FFAR4: variants seen among roughly 807,000 people sequenced by gnomAD.
The protein encoded by FFAR4 is G-protein coupled receptor 120.
In FFAR4, 19 loss-of-function variants were observed where a neutral mutation model predicts 27.0. That is an observed-to-expected ratio of 0.70 (90% CI 0.49 to 1.03). FFAR4 has a LOEUF of 1.03. Among genes scored for constraint, FFAR4 ranks in the 50% least tolerant of loss-of-function variants. FFAR4 has a pLI of 0.00. For missense variants in FFAR4, 476 were observed against 479.0 expected (o/e 0.99, Z 0.06); for synonymous variants, 254 against 215.6 (o/e 1.18, Z -1.56).
chr10:93,567,126 C>G lies in FFAR4; in HGVS notation c.406C>G (p.Arg136Gly). The change falls in exon 1 of 3, where the codon CGC (arginine) becomes GGC (glycine). Residue 136 changes from arginine to glycine, a missense_variant. By Grantham distance (125) the Arg-to-Gly change is moderately radical. Coordinates refer to ENST00000371481, the MANE Select transcript of FFAR4 (RefSeq NM_001195755.2). Reference protein sequence around the residue: ...ILTLAAVSLERMVCIVHLQRG... With the variant: ...ILTLAAVSLEGMVCIVHLQRG... ...CACGCTGGCCGCGGTCAGCCTGGAG[C>G]GCATGGTGTGCATCGTGCACCTGCA... 2 of 1,608,236 alleles carry G rather than the reference C, an allele frequency of 1.2e-6. No individual in the cohort carries two copies. Among genetic ancestry groups the G allele is most frequent in the African/African-American group, 1.3e-5 (1 of 74,982 alleles).
intron 1 of FFAR4, 75 bp from the exon 2 acceptor site, chr10:93,576,016 A>C (rs1033616705): frequency 1.7e-5 from 25 of 1,474,452 alleles, no homozygotes; most frequent in Non-Finnish European, 2.2e-5. Context: ...GTGTCAGGAA[A>C]CCCTCAATAA....
At chr10:93,585,133 G>A (rs969279295) in intron 2 of FFAR4, among the ~76,000 whole-genome samples, 1 of 152,174 alleles carries the variant, frequency 6.6e-6, no homozygotes, top group Non-Finnish European at 1.5e-5. Context: ...AGTCTTGGGG[G>A]ACACCTGTAG....
intron 2 of FFAR4, among the ~76,000 whole-genome samples, chr10:93,580,665 C>T (rs989089245): frequency 1.2e-4 from 18 of 152,226 alleles, no homozygotes; most frequent in African/African-American, 4.3e-4. Flanking sequence ...TGCACTGGTG[C>T]TCCAAGAAAT....
At position 93,587,672 on chromosome 10, in the gene FFAR4, A is replaced by G; in HGVS notation, c.*63A>G. ...TGTGGCATGCTTTTAAACAGAGTTC[A>G]TTTCCAGTACCCTCCATCAGTGCAC... On this transcript the variant is annotated 3_prime_UTR_variant, in exon 3 of 3. Coordinates refer to ENST00000371481, the MANE Select transcript of FFAR4 (RefSeq NM_001195755.2). 1.3e-6 allele frequency: 2 copies of G among 1,494,660 alleles called. No homozygotes were observed. Among genetic ancestry groups the G allele is most frequent in the South Asian group, 1.2e-5 (1 of 81,700 alleles). The allele number at this position is 1,494,660 out of a possible 1,614,324, so 92.6% of individuals were successfully genotyped here.
chr10:93,573,481 A>G (rs80092786), intron 1 of FFAR4, among the ~76,000 whole-genome samples: 3,707 of 152,320 alleles, frequency 0.024, 115 homozygotes, highest in African/African-American at 0.077. Context: ...AATACCTAGA[A>G]TCAAAACGAC....
chr10:93,567,163 G>A lies in FFAR4; in HGVS notation c.443G>A (p.Arg148Gln), dbSNP rs1357489204. The A allele has an allele frequency of 5.0e-6, 8 of 1,604,550 alleles. No homozygotes were observed. Among genetic ancestry groups the A allele is most frequent in the Non-Finnish European group, 6.8e-6 (8 of 1,178,576 alleles). ...VCIVHLQRGV[R>Q]GPGRRARAVL... ...ATCGTGCACCTGCAGCGCGGCGTGCGGGGTCCTGGGCGGCGGGCGCGGGCA... is the reference window on the plus strand; with the variant it reads ...ATCGTGCACCTGCAGCGCGGCGTGCAGGGTCCTGGGCGGCGGGCGCGGGCA... The change falls in exon 1 of 3, where the codon CGG (arginine) becomes CAG (glutamine). Residue 148 changes from arginine to glutamine, a missense_variant. Arg to Gln is a conservative substitution (Grantham distance 43, BLOSUM62 1). Coordinates refer to ENST00000371481, the MANE Select transcript of FFAR4 (RefSeq NM_001195755.2).
In FFAR4 at chr10:93,588,637, A is replaced by G. The variant is rs1253909415; in HGVS notation, c.*1028A>G. ...CCCTCTCTCAGGGAACTTACCTTCGAGTCAGGGGCAGAAAAACTAAATAAA... is the reference window on the plus strand; with the variant it reads ...CCCTCTCTCAGGGAACTTACCTTCGGGTCAGGGGCAGAAAAACTAAATAAA... On this transcript the variant is annotated 3_prime_UTR_variant, in exon 3 of 3. Coordinates refer to ENST00000371481, the MANE Select transcript of FFAR4 (RefSeq NM_001195755.2). 6.6e-6 allele frequency: 1 copy of G among 152,168 alleles called. No individual in the cohort carries two copies. Among genetic ancestry groups the G allele is most frequent in the African/African-American group, 2.4e-5 (1 of 41,422 alleles). 9.4% of individuals were successfully genotyped at this position (152,168 alleles called of 1,614,324 possible).
chr10:93,586,821 A>G (rs1215351243), intron 2 of FFAR4, among the ~76,000 whole-genome samples: 1 of 152,206 alleles, frequency 6.6e-6, no homozygotes, highest in African/African-American at 2.4e-5. Flanking sequence ...CAGGGTGGAA[A>G]TAGAGGGTAG....
At chr10:93,580,221 G>C (rs1407965284) in intron 2 of FFAR4, among the ~76,000 whole-genome samples, 1 of 152,126 alleles carries the variant, frequency 6.6e-6, no homozygotes. Context: ...TGTGAAGCTT[G>C]GTTTTACATA....
chr10:93,577,108 G>A (rs554640896), intron 2 of FFAR4, among the ~76,000 whole-genome samples: 20 of 152,314 alleles, frequency 1.3e-4, no homozygotes, highest in South Asian at 6.2e-4. Context: ...TAAAAAGGAC[G>A]AGTCAGCCTG....
At chr10:93,580,944 C>T (rs1472843777) in intron 2 of FFAR4, among the ~76,000 whole-genome samples, 3 of 152,236 alleles carry the variant, frequency 2.0e-5, no homozygotes, top group Non-Finnish European at 2.9e-5. Flanking sequence ...TAAGTGCCTT[C>T]GGATCAGGCT....
At position 93,572,826 on chromosome 10, in the gene FFAR4, T is replaced by A. The variant is rs12220261; in HGVS notation, c.568-3265T>A. ...GGCAAGTCTGGGGTTCAGGAAAGCA[T>A]GCAGCTGAAAAGAGTAGATTGGAGC... On this transcript the variant is annotated intron_variant, in intron 1 of 2. Coordinates refer to ENST00000371481, the MANE Select transcript of FFAR4 (RefSeq NM_001195755.2). Among the ~76,000 whole-genome samples, 5 of 152,302 alleles carry A rather than the reference T, an allele frequency of 3.3e-5. No homozygotes were observed. The East Asian group carries it at 9.7e-4, about 29-fold the overall frequency.
At position 93,587,260 on chromosome 10, in the gene FFAR4, C is replaced by T. The variant is rs2058233726; in HGVS notation, c.737C>T (p.Ala246Val). 6.2e-7 allele frequency: 1 copy of T among 1,614,068 alleles called. No homozygotes were observed. Among genetic ancestry groups the T allele is most frequent in the East Asian group, 2.2e-5 (1 of 44,864 alleles). The change falls in exon 3 of 3, where the codon GCC becomes GTC. Residue 246 changes from alanine (A) to valine (V), a missense_variant. Coordinates refer to ENST00000371481, the MANE Select transcript of FFAR4 (RefSeq NM_001195755.2). ...AGGAAGAGGCTCACGGTAAGCCTGGCCTACTCGGAGAGCCACCAGATCCGC... is the reference window on the plus strand; with the variant it reads ...AGGAAGAGGCTCACGGTAAGCCTGGTCTACTCGGAGAGCCACCAGATCCGC... Reference protein sequence around the residue: ...ASRKRLTVSLAYSESHQIRVS... With the variant: ...ASRKRLTVSLVYSESHQIRVS...
At chr10:93,571,350 AC>A (rs1439519862) in intron 1 of FFAR4, among the ~76,000 whole-genome samples, 18 of 152,046 alleles carry the variant, frequency 1.2e-4, no homozygotes, top group African/African-American at 4.3e-4. Context: ...ACGTAAATCC[AC>A]CTCCTTCTCT....
chr10:93,574,528 G>C (rs1269822236), intron 1 of FFAR4, among the ~76,000 whole-genome samples: 3 of 152,180 alleles, frequency 2.0e-5, no homozygotes, highest in Non-Finnish European at 4.4e-5. Flanking sequence ...AGTACAAAAG[G>C]AGGTGGTGCG....
At chr10:93,578,966 C>G (rs578104116) in intron 2 of FFAR4, among the ~76,000 whole-genome samples, 1 of 152,194 alleles carries the variant, frequency 6.6e-6, no homozygotes, top group South Asian at 2.1e-4. Context: ...CGCTTCTCAG[C>G]TGCCTGCTGA....
intron 2 of FFAR4, among the ~76,000 whole-genome samples, chr10:93,581,953 C>T (rs1479873599): frequency 6.6e-6 from 1 of 152,144 alleles, no homozygotes; most frequent in Non-Finnish European, 1.5e-5. Flanking sequence ...CTTCTCAGGG[C>T]CTCTTAGTTC....
chr10:93,571,256 T>G (rs2058130157), intron 1 of FFAR4, among the ~76,000 whole-genome samples: 1 of 152,166 alleles, frequency 6.6e-6, no homozygotes, highest in Non-Finnish European at 1.5e-5. Context: ...TGGAGAAGAC[T>G]GTCTATCCTG....
rs565528211 is a variant in FFAR4, at chr10:93,579,301, C to G, written c.696+3082C>G. 6.6e-6 allele frequency: 7 copies of G among 1,061,226 alleles called. No homozygotes were observed. In the African/African-American group the frequency reaches 9.3e-5, roughly 14 times the overall value. The allele number at this position is 1,061,226 out of a possible 1,614,324, so 65.7% of individuals were successfully genotyped here. On this transcript the variant is annotated intron_variant, in intron 2 of 2. Transcript: ENST00000371481. ...CTTAAGGCCCTGTGTGGTCTGGCCCCGCTGCCGTTCTCACCTTCATATTTC... is the reference window on the plus strand; with the variant it reads ...CTTAAGGCCCTGTGTGGTCTGGCCCGGCTGCCGTTCTCACCTTCATATTTC...
Sources: gnomAD v4.1 joint callset for allele counts (sites outside exome capture counted in the v4.1 genomes callset) on GRCh38, gnomAD v4.1.1 for gene constraint, MANE v1.5 for transcripts, NCBI Gene and HGNC (gene_info 2026-07-23, HGNC 2026-07-21) for gene names.